The following GPATCH2L variants were observed in gnomAD, a reference collection of about 807,000 sequenced individuals.
GPATCH2L encodes the protein G-patch domain containing 2 like, also known as G patch domain-containing protein 2-like.
Under a neutral mutation model 57.4 loss-of-function variants are expected in GPATCH2L, and 31 were observed. The ratio of observed to expected loss-of-function variants is 0.54; its 90% confidence interval spans 0.41 to 0.73. The LOEUF is 0.73. Among genes scored for constraint, GPATCH2L ranks in the 30% least tolerant of loss-of-function variants. The pLI is 0.00. For missense variants in GPATCH2L, 481 were observed against 599.9 expected (o/e 0.80, Z 2.07); for synonymous variants, 199 against 210.7 (o/e 0.94, Z 0.48).
intron 9 of GPATCH2L, among the ~76,000 whole-genome samples, chr14:76,198,541 G>A (rs1160638651): frequency 6.6e-6 from 1 of 152,148 alleles, no homozygotes; most frequent in East Asian, 1.9e-4. Context: ...GCGGAATTGA[G>A]GTGATCAGAA....
At chr14:76,168,735 G>A (rs1163364347) in intron 3 of GPATCH2L, among the ~76,000 whole-genome samples, 1 of 152,190 alleles carries the variant, frequency 6.6e-6, no homozygotes, top group Non-Finnish European at 1.5e-5. Flanking sequence ...AGTAGGATGA[G>A]TAAGTGTGCT....
chr14:76,220,069 G>A (rs1291521376), intron 1 of GPATCH2L, among the ~76,000 whole-genome samples: 1 of 152,118 alleles, frequency 6.6e-6, no homozygotes, highest in Non-Finnish European at 1.5e-5. Flanking sequence ...TGACACAAGT[G>A]ACTCCATTTT....
At chr14:76,190,050 G>A (rs934686512) in intron 8 of GPATCH2L, among the ~76,000 whole-genome samples, 1 of 151,906 alleles carries the variant, frequency 6.6e-6, no homozygotes, top group Non-Finnish European at 1.5e-5. Context: ...CAAATCTAAC[G>A]CAGTCACTTC....
At chr14:76,161,264 T>C (rs774941698) in intron 2 of GPATCH2L, among the ~76,000 whole-genome samples, 16 of 152,234 alleles carry the variant, frequency 1.1e-4, no homozygotes, top group Non-Finnish European at 2.1e-4. Context: ...TTTATTTTTG[T>C]TAAGTGCATT....
intron 8 of GPATCH2L, among the ~76,000 whole-genome samples, chr14:76,188,360 A>C (rs571798202): frequency 6.6e-6 from 1 of 152,076 alleles, no homozygotes; most frequent in East Asian, 1.9e-4. Flanking sequence ...TTACCTTTTC[A>C]CCACATCCTC....
At position 76,210,264 on chromosome 14, in the gene GPATCH2L, CTTACAG is replaced by C. The variant is rs1380679356; in HGVS notation, c.*8420_*8425del. 9 of 152,298 alleles carry C rather than the reference CTTACAG, an allele frequency of 5.9e-5. No homozygotes were observed. The highest frequency in any genetic ancestry group is 3.9e-4 in the East Asian group (2 of 5,188). 9.4% of individuals were successfully genotyped at this position (152,298 alleles called of 1,614,324 possible). On this transcript the variant is annotated 3_prime_UTR_variant, in exon 10 of 10. Transcript: ENST00000261530. ...CTCCATTTTAAAACAATGAAATACA[CTTACAG>C]TTACAGACAAACTTGCTCGAGTCAC...
At chr14:76,180,672 C>T in intron 7 of GPATCH2L, 92 bp from the exon 8 acceptor site, 1 of 821,942 alleles carries the variant, frequency 1.2e-6, no homozygotes, top group South Asian at 1.4e-5. Flanking sequence ...GTTGGATAGT[C>T]AAAGGGGAAA....
intron 2 of GPATCH2L, among the ~76,000 whole-genome samples, chr14:76,164,529 C>T (rs1594920537): frequency 6.6e-6 from 1 of 152,118 alleles, no homozygotes; most frequent in Non-Finnish European, 1.5e-5. Context: ...ACTTTATTGA[C>T]TCTGCTTTTA....
chr14:76,235,349 C>T (rs1415766451), intron 2 of GPATCH2L, among the ~76,000 whole-genome samples: 1 of 152,008 alleles, frequency 6.6e-6, no homozygotes, highest in African/African-American at 2.4e-5. Context: ...GACAGTTTTC[C>T]CCATACTGTT....
intron 2 of GPATCH2L, among the ~76,000 whole-genome samples, chr14:76,158,888 T>C (rs2038437011): frequency 1.3e-5 from 2 of 152,146 alleles, no homozygotes; most frequent in Admixed American, 1.3e-4. Flanking sequence ...AAGGTCTATC[T>C]CTTGAAAGAA....
chr14:76,190,113 T>C (rs1016881716), intron 8 of GPATCH2L, among the ~76,000 whole-genome samples: 2 of 54,872 alleles, frequency 3.6e-5, no homozygotes, highest in African/African-American at 9.0e-5. Context: ...TTTCTCAAAG[T>C]ATTTTTTTTT....
At chr14:76,185,254 A>G (rs761319700) in intron 8 of GPATCH2L, among the ~76,000 whole-genome samples, 69 of 152,142 alleles carry the variant, frequency 4.5e-4, no homozygotes, top group Non-Finnish European at 4.7e-4. Context: ...ATTTGCTGTT[A>G]AAGGTGTGAT....
chr14:76,190,859 T>A (rs1216398325), intron 8 of GPATCH2L, among the ~76,000 whole-genome samples: 1 of 152,152 alleles, frequency 6.6e-6, no homozygotes, highest in East Asian at 1.9e-4. Flanking sequence ...GTGTATTTAG[T>A]AAAAGCTCCT....
At chr14:76,172,871 C>T (rs1201953010) in intron 4 of GPATCH2L, among the ~76,000 whole-genome samples, 2 of 152,116 alleles carry the variant, frequency 1.3e-5, no homozygotes, top group African/African-American at 4.8e-5. Flanking sequence ...CATGGCGAAC[C>T]AGCAGTTGGT....
intron 2 of GPATCH2L, among the ~76,000 whole-genome samples, chr14:76,160,733 C>G (rs1851707850): frequency 6.6e-6 from 1 of 152,090 alleles, no homozygotes; most frequent in African/African-American, 2.4e-5. Flanking sequence ...CTCAGACATT[C>G]TTAGATATGC....
downstream of GPATCH2L, among the ~76,000 whole-genome samples, chr14:76,216,962 T>C (rs1190643351): frequency 6.6e-6 from 1 of 152,094 alleles, no homozygotes; most frequent in Non-Finnish European, 1.5e-5. Flanking sequence ...TTGAGATAAC[T>C]GGATATAGTT....
In GPATCH2L at chr14:76,198,060, A is replaced by G. The variant is rs184930120; in HGVS notation, c.1288+2088A>G. 2.7e-3 allele frequency among the ~76,000 whole-genome samples: 416 copies of G among 151,710 alleles called. 3 individuals are homozygous for G. In the Middle Eastern group the frequency reaches 0.037, roughly 14 times the overall value. The stretch of plus-strand genomic sequence containing the variant: ...CAGCATGTCTTCCTTGCCTTTTTGT[A>G]CTAATAGTAACAAAAGGCCAAGGAA... On this transcript the variant is annotated intron_variant, in intron 9 of 9. Coordinates refer to ENST00000261530, the MANE Select transcript of GPATCH2L (RefSeq NM_017926.4).
At position 76,180,756 on chromosome 14, in the gene GPATCH2L, TC is replaced by T; in HGVS notation, c.1108-6del. Reference sequence around the variant, plus strand: ...GCCTTACTAAAATAGTCTTATTCATTCCTGCAGTTCAATCCCCTGTCTCCCC... The same window carrying T: ...GCCTTACTAAAATAGTCTTATTCATTCTGCAGTTCAATCCCCTGTCTCCCC... On this transcript the variant is annotated splice_polypyrimidine_tract_variant and splice_region_variant and intron_variant, in intron 7 of 9. Coordinates refer to ENST00000261530, the MANE Select transcript of GPATCH2L (RefSeq NM_017926.4). The T allele has an allele frequency of 6.3e-7, 1 of 1,586,464 alleles. No individual in the cohort carries two copies. Among genetic ancestry groups the T allele is most frequent in the Non-Finnish European group, 8.7e-7 (1 of 1,154,652 alleles).
At chr14:76,157,590 G>A (rs1429243799) in intron 2 of GPATCH2L, among the ~76,000 whole-genome samples, 1 of 152,040 alleles carries the variant, frequency 6.6e-6, no homozygotes, top group Non-Finnish European at 1.5e-5. Context: ...TGGTATTGAG[G>A]GTTGTCAGAG....
Sources: allele counts gnomAD v4.1 joint callset (sites outside exome capture counted in the v4.1 genomes callset), GRCh38; gene constraint gnomAD v4.1.1; transcripts MANE v1.5; gene names NCBI Gene and HGNC (gene_info 2026-07-23, HGNC 2026-07-21).